Variants in ZHX2 observed in about 807,000 individuals in gnomAD.
ZHX2 encodes zinc fingers and homeoboxes protein 2.
In ZHX2, 6 loss-of-function variants were observed where a neutral mutation model predicts 21.9. That is an observed-to-expected ratio of 0.27 (90% CI 0.15 to 0.54). The LOEUF (loss-of-function observed/expected upper bound fraction) is 0.54. Among genes scored for constraint, ZHX2 ranks in the 20% least tolerant of loss-of-function variants. The probability of loss-of-function intolerance (pLI) is 0.95; values close to 1 mark genes in which losing one functional copy is unlikely to be tolerated. For missense variants in ZHX2, 908 were observed against 1,090.7 expected, an observed-to-expected ratio of 0.83 and a Z score of 2.36; for synonymous variants, 434 against 437.1, an observed-to-expected ratio of 0.99 and a Z score of 0.09.
chr8:122,961,340 A>G lies in ZHX2; in HGVS notation c.*4+7312A>G, dbSNP rs74413394. On this transcript the variant is annotated intron_variant, in intron 3 of 3. Coordinates refer to ENST00000314393, the MANE Select transcript of ZHX2 (RefSeq NM_014943.5). ...CTCCTTAAAGGCACTATCTCCAAAT[A>G]CAGTCACCTTAGAGATTACGGCTTC... Among the ~76,000 whole-genome samples, 115 of 152,298 alleles carry G rather than the reference A, an allele frequency of 7.6e-4. 1 individual carries two copies. The East Asian group carries it at 0.018, about 24-fold the overall frequency.
intron 2 of ZHX2, among the ~76,000 whole-genome samples, chr8:122,888,734 C>T (rs951847597): frequency 1.3e-5 from 2 of 152,198 alleles, no homozygotes; most frequent in African/African-American, 4.8e-5. Flanking sequence ...CTGCCCTCCT[C>T]GGCCTCCCAA....
chr8:122,893,000 G>A (rs781292124), intron 2 of ZHX2, among the ~76,000 whole-genome samples: 1 of 152,172 alleles, frequency 6.6e-6, no homozygotes, highest in African/African-American at 2.4e-5. Context: ...TGTCTTATAA[G>A]GCCAGTCTAG....
chr8:122,964,928 A>G (rs1813539966), intron 3 of ZHX2, among the ~76,000 whole-genome samples: 1 of 151,924 alleles, frequency 6.6e-6, no homozygotes. Flanking sequence ...TTATGCTCAT[A>G]AAGGTGTTCA....
At chr8:122,893,510 AT>A (rs1479396965) in intron 2 of ZHX2, among the ~76,000 whole-genome samples, 1 of 150,942 alleles carries the variant, frequency 6.6e-6, no homozygotes, top group African/African-American at 2.4e-5. Context: ...TACTTTTTTT[AT>A]TCTTTATTTT....
chr8:122,870,058 G>A (rs1287640637), intron 2 of ZHX2, among the ~76,000 whole-genome samples: 2 of 152,162 alleles, frequency 1.3e-5, no homozygotes, highest in Admixed American at 6.5e-5. Flanking sequence ...GTGGGTTCAG[G>A]GAGGCTTTCA....
Position 122,828,297 on chromosome 8 carries a change from G to A in ZHX2, c.-282-35180G>A, listed in dbSNP as rs539342193. 6.6e-5 allele frequency among the ~76,000 whole-genome samples: 10 copies of A among 152,300 alleles called. No individual in the cohort carries two copies. The highest frequency in any genetic ancestry group is 6.5e-4 in the Admixed American group (10 of 15,296). Reference sequence around the variant, plus strand: ...AACAAAAATTCCTGTTTCTTCAGGAGCTGAAGATAGAGAAAGTATCTGTAC... The same window carrying A: ...AACAAAAATTCCTGTTTCTTCAGGAACTGAAGATAGAGAAAGTATCTGTAC... On this transcript the variant is annotated intron_variant, in intron 1 of 3. Transcript: ENST00000314393. This position sits in a 1 kb window ranked among gnomAD's most constrained non-coding sequence, Gnocchi z 5.2.
intron 1 of ZHX2, among the ~76,000 whole-genome samples, chr8:122,807,529 A>G (rs1008791955): frequency 6.6e-6 from 1 of 152,128 alleles, no homozygotes; most frequent in Non-Finnish European, 1.5e-5. Context: ...AGAATTTAAC[A>G]CTCTGCCTGC....
At chr8:122,858,800 C>G (rs1000853323) in intron 1 of ZHX2, among the ~76,000 whole-genome samples, 5 of 152,100 alleles carry the variant, frequency 3.3e-5, no homozygotes, top group African/African-American at 1.2e-4. Flanking sequence ...GCCACTATAC[C>G]CAGCTAATTT....
chr8:122,907,514 C>T (rs1820377573), intron 2 of ZHX2, among the ~76,000 whole-genome samples: 1 of 152,148 alleles, frequency 6.6e-6, no homozygotes, highest in South Asian at 2.1e-4. Context: ...CAGGTTTGCC[C>T]TAAGCAGTTT....
intron 2 of ZHX2, among the ~76,000 whole-genome samples, chr8:122,928,805 G>A (rs1329000284): frequency 2.0e-5 from 3 of 152,206 alleles, no homozygotes; most frequent in Non-Finnish European, 4.4e-5. Context: ...TGACTCTTGT[G>A]TTTGCCAACC....
chr8:122,824,100 C>T (rs1471392002), intron 1 of ZHX2, among the ~76,000 whole-genome samples: 2 of 152,178 alleles, frequency 1.3e-5, no homozygotes, highest in Non-Finnish European at 2.9e-5. Context: ...CCTTTTCTTT[C>T]ATGCCTGTCT....
intron 1 of ZHX2, among the ~76,000 whole-genome samples, chr8:122,830,963 G>A (rs556358711): frequency 4.1e-4 from 63 of 152,176 alleles, no homozygotes; most frequent in Non-Finnish European, 8.7e-4. Flanking sequence ...TTTGCCTAAC[G>A]ATTGAGGCCT....
intron 2 of ZHX2, among the ~76,000 whole-genome samples, chr8:122,933,465 C>T (rs1812593145): frequency 6.6e-6 from 1 of 152,156 alleles, no homozygotes; most frequent in African/African-American, 2.4e-5. Context: ...AAACACATCA[C>T]TCTTCTCTAA....
chr8:122,915,166 A>G (rs1820570583), intron 2 of ZHX2, among the ~76,000 whole-genome samples: 1 of 152,188 alleles, frequency 6.6e-6, no homozygotes, highest in Admixed American at 6.5e-5. Flanking sequence ...GAAGACCCAG[A>G]GCAGGAAGGG....
chr8:122,802,560 C>T (rs949704994), intron 1 of ZHX2, among the ~76,000 whole-genome samples: 1 of 152,180 alleles, frequency 6.6e-6, no homozygotes, highest in African/African-American at 2.4e-5. Flanking sequence ...CCCCACAGAA[C>T]TGTCATGACG....
chr8:122,960,953 G>A (rs1813428130), intron 3 of ZHX2, among the ~76,000 whole-genome samples: 1 of 152,212 alleles, frequency 6.6e-6, no homozygotes, highest in Admixed American at 6.5e-5. Flanking sequence ...GGAAAATGGA[G>A]GCTGGATGGT....
Position 122,953,100 on chromosome 8 carries a change from C to G in ZHX2, c.1590C>G (p.Pro530=). The G allele has an allele frequency of 6.2e-7, 1 of 1,613,948 alleles. No homozygotes were observed. Among genetic ancestry groups the G allele is most frequent in the Non-Finnish European group, 8.5e-7 (1 of 1,180,014 alleles). ...ATCATGCGTACCCAGACTTTGCCCC[C>G]CAGAAGTTCAAAGAGAAAACACAGG... is the stretch of plus-strand genomic sequence containing the variant. The part of the protein sequence containing the change: ...RTYHAYPDFA[P]QKFKEKTQGQ... The change falls in exon 3 of 4, where the codon CCC becomes CCG. Residue 530 remains proline (P), a synonymous_variant. Coordinates refer to ENST00000314393, the MANE Select transcript of ZHX2 (RefSeq NM_014943.5). The surrounding 1 kb of genome is among the most constrained non-coding windows in gnomAD (Gnocchi z 4.6).
chr8:122,819,611 C>A (rs1228240589), intron 1 of ZHX2, among the ~76,000 whole-genome samples: 1 of 152,240 alleles, frequency 6.6e-6, no homozygotes, highest in Non-Finnish European at 1.5e-5. Flanking sequence ...ATCCAAGAAA[C>A]CAAAGTAGAA....
At chr8:122,785,739 G>A (rs1050708671) in intron 1 of ZHX2, among the ~76,000 whole-genome samples, 8 of 152,344 alleles carry the variant, frequency 5.3e-5, no homozygotes, top group South Asian at 2.1e-4. Context: ...TGTGCCGCCT[G>A]AGAAAGAAGG....
Sources: allele counts gnomAD v4.1 joint callset (sites outside exome capture counted in the v4.1 genomes callset), GRCh38; gene constraint gnomAD v4.1.1; non-coding constraint Gnocchi (gnomAD v3.1); transcripts MANE v1.5; gene names NCBI Gene and HGNC (gene_info 2026-07-23, HGNC 2026-07-21).